ZFP91: variants seen among roughly 807,000 people sequenced by gnomAD.
The protein encoded by ZFP91 is E3 ubiquitin-protein ligase ZFP91.
ZFP91 carries 7 observed loss-of-function variants against 63.5 expected under a neutral mutation model. The ratio of observed to expected loss-of-function variants is 0.11; its 90% CI spans 0.06 to 0.21. The LOEUF (loss-of-function observed/expected upper bound fraction) is 0.21, where lower values mean the gene tolerates loss of function less well. Among genes scored for constraint, ZFP91 ranks in the 10% least tolerant of loss-of-function variants. The probability of loss-of-function intolerance (pLI) is 1.00; values close to 1 mark genes in which losing one functional copy is unlikely to be tolerated. For missense variants in ZFP91, 628 were observed against 736.6 expected, an observed-to-expected ratio of 0.85 and a Z score of 1.71; for synonymous variants, 330 against 272.1, an observed-to-expected ratio of 1.21 and a Z score of -2.10.
intron 2 of ZFP91, among the ~76,000 whole-genome samples, chr11:58,590,828 G>A (rs1441066078): frequency 6.6e-6 from 1 of 151,760 alleles, no homozygotes; most frequent in Non-Finnish European, 1.5e-5. Flanking sequence ...GATGCTTTGT[G>A]GATATCCAGT....
At chr11:58,612,383 A>G (rs1240988068) in intron 7 of ZFP91, 55 bp downstream of exon 7, 1 of 1,571,656 alleles carries the variant, frequency 6.4e-7, no homozygotes, top group African/African-American at 1.4e-5. Flanking sequence ...CAGGCACTTT[A>G]CTCACAAATT....
intron 9 of ZFP91, among the ~76,000 whole-genome samples, chr11:58,614,945 C>T (rs947304205): frequency 6.6e-6 from 1 of 152,168 alleles, no homozygotes; most frequent in Admixed American, 6.5e-5. Flanking sequence ...TGGGTGCATA[C>T]CACTGAGTAT....
chr11:58,596,123 A>C (rs1855397194), intron 2 of ZFP91, among the ~76,000 whole-genome samples: 1 of 152,216 alleles, frequency 6.6e-6, no homozygotes, highest in Non-Finnish European at 1.5e-5. Flanking sequence ...CTGTATTCTT[A>C]CAGTAAAATA....
rs1262355634 is a variant in ZFP91, at chr11:58,579,345, G to A, written c.64G>A (p.Ala22Thr). 2 of 1,494,804 alleles carry A rather than the reference G, an allele frequency of 1.3e-6. No homozygotes were observed. Among genetic ancestry groups the A allele is most frequent in the Non-Finnish European group, 8.9e-7 (1 of 1,126,666 alleles). 92.6% of individuals were successfully genotyped at this position (1,494,804 alleles called of 1,614,324 possible). A position where few individuals can be genotyped will look rare whatever the true frequency, so the allele number is the denominator to read the frequency against. ...EQQDQEGGEA[A>T]KAAPEEPQQR... is the part of the protein sequence containing the mutation. ...GCAGGACCAGGAAGGGGGAGAGGCG[G>A]CCAAGGCGGCTCCGGAGGAGCCCCA... The change falls in exon 1 of 11, where the codon GCC (alanine) becomes ACC (threonine). Residue 22 changes from alanine (A) to threonine (T), a missense_variant. Physicochemically the swap from Ala to Thr is moderately conservative, Grantham distance 58. Around this residue, in one of 3 missense-constraint regions of ZFP91, gnomAD observed 437 missense variants for 380.3 expected, o/e 1.15. Coordinates refer to ENST00000316059, the MANE Select transcript of ZFP91 (RefSeq NM_053023.5).
rs1855752703 is a variant in ZFP91 at position 58,616,628 on chromosome 11, G to A, written c.1103-88G>A. The A allele has an allele frequency of 6.1e-6, 6 of 984,254 alleles. No individual in the cohort carries two copies. The South Asian group carries it at 9.4e-5, about 15-fold the overall frequency. 61.0% of individuals were successfully genotyped at this position (984,254 alleles called of 1,614,324 possible). On this transcript the variant is annotated intron_variant, in intron 9 of 10. Coordinates refer to ENST00000316059, the MANE Select transcript of ZFP91 (RefSeq NM_053023.5). Reference sequence around the variant, plus strand: ...AACAGCATTGCTTTTACTCTAAATTGCCTGCCCCATCATCTGCTTACTTAC... The same window carrying A: ...AACAGCATTGCTTTTACTCTAAATTACCTGCCCCATCATCTGCTTACTTAC...
intron 7 of ZFP91, 140 bp downstream of exon 7, chr11:58,612,468 C>A: frequency 1.3e-6 from 1 of 748,328 alleles, no homozygotes; most frequent in Non-Finnish European, 2.2e-6. Flanking sequence ...GTCCTAGATG[C>A]ACAGGTGTTA....
At chr11:58,601,625 A>G (rs1321847034) in intron 2 of ZFP91, among the ~76,000 whole-genome samples, 1 of 136,060 alleles carries the variant, frequency 7.3e-6, no homozygotes, top group Non-Finnish European at 1.6e-5. Context: ...TTTTTTTTCT[A>G]TTTTAATGTA....
rs765449102 is a variant in ZFP91 at position 58,619,696 on chromosome 11, T to C, written c.*1990T>C. ...TGCGCTATTGTTTCTTTTCAGAGTG[T>C]TGCAGATTTGCCATTTCTCCATAAT... On this transcript the variant is annotated 3_prime_UTR_variant, in exon 11 of 11. Coordinates refer to ENST00000316059, the MANE Select transcript of ZFP91 (RefSeq NM_053023.5). 2.6e-5 allele frequency: 4 copies of C among 152,662 alleles called. No individual in the cohort carries two copies. The highest frequency in any genetic ancestry group is 4.8e-5 in the African/African-American group (2 of 41,464). 9.5% of individuals were successfully genotyped at this position (152,662 alleles called of 1,614,324 possible). A position where few individuals can be genotyped will look rare whatever the true frequency, so the allele number is the denominator to read the frequency against.
At chr11:58,594,976 G>A (rs1352288504) in intron 2 of ZFP91, among the ~76,000 whole-genome samples, 2 of 152,146 alleles carry the variant, frequency 1.3e-5, no homozygotes, top group Admixed American at 6.5e-5. Flanking sequence ...CTTGGCACTT[G>A]AATCCAAGGC....
chr11:58,612,119 CTTGCTTGAT>C, intron 6 of ZFP91, 150 bp from the exon 7 acceptor site: 1 of 707,156 alleles, frequency 1.4e-6, no homozygotes, highest in Non-Finnish European at 2.3e-6. Flanking sequence ...GGTAAAATTA[CTTGCTTGAT>C]TTGCCAGATA....
At chr11:58,607,169 G>A (rs1446688350) in intron 2 of ZFP91, among the ~76,000 whole-genome samples, 3 of 151,850 alleles carry the variant, frequency 2.0e-5, no homozygotes, top group Admixed American at 6.6e-5. Flanking sequence ...AGTCCAACTC[G>A]GTACAGTTGG....
chr11:58,580,953 A>G (rs1855103493), intron 1 of ZFP91, among the ~76,000 whole-genome samples: 2 of 152,232 alleles, frequency 1.3e-5, no homozygotes, highest in Non-Finnish European at 2.9e-5. Context: ...TGAATTTGAA[A>G]AGATACATGT....
Position 58,620,697 on chromosome 11 carries a change from A to G in ZFP91, c.*2991A>G, listed in dbSNP as rs980036910. Reference sequence around the variant, plus strand: ...GAAAAAGTATAATGAGTGTACTACCAATCTAACTAAGATTATTATAGTCTG... The same window carrying G: ...GAAAAAGTATAATGAGTGTACTACCGATCTAACTAAGATTATTATAGTCTG... On this transcript the variant is annotated 3_prime_UTR_variant, in exon 11 of 11. Transcript: ENST00000316059. 1 of 152,626 alleles carries G rather than the reference A, an allele frequency of 6.6e-6. No individual in the cohort carries two copies. Among genetic ancestry groups the G allele is most frequent in the African/African-American group, 2.4e-5 (1 of 41,450 alleles). 9.5% of individuals were successfully genotyped at this position (152,626 alleles called of 1,614,324 possible). A position where few individuals can be genotyped will look rare whatever the true frequency, so the allele number is the denominator to read the frequency against.
At chr11:58,613,545 T>G (rs1241920223) in intron 8 of ZFP91, among the ~76,000 whole-genome samples, 2 of 152,168 alleles carry the variant, frequency 1.3e-5, no homozygotes, top group African/African-American at 4.8e-5. Flanking sequence ...TCTTTCAATA[T>G]TACAGTAATT....
At chr11:58,591,606 C>T (rs915166893) in intron 2 of ZFP91, among the ~76,000 whole-genome samples, 1 of 152,082 alleles carries the variant, frequency 6.6e-6, no homozygotes, top group Non-Finnish European at 1.5e-5. Context: ...GTATTCTCAC[C>T]CCCAACCCTA....
Position 58,612,754 on chromosome 11 carries a change from GA to G in ZFP91, c.909-7del, listed in dbSNP as rs1855687888. On this transcript the variant is annotated splice_region_variant and splice_polypyrimidine_tract_variant and intron_variant, in intron 7 of 10. Transcript: ENST00000316059. ...TTTGCTAACTTTTCTTCTGCATTTTGATAATAGAAAAAAGCCTCCAATCCAG... is the reference window on the plus strand; with the variant it reads ...TTTGCTAACTTTTCTTCTGCATTTTGTAATAGAAAAAAGCCTCCAATCCAG... The G allele has an allele frequency of 6.3e-7, 1 of 1,578,396 alleles. No individual in the cohort carries two copies. The highest frequency in any genetic ancestry group is 1.4e-5 in the African/African-American group (1 of 71,364).
chr11:58,580,016 G>A (rs1855081379), intron 1 of ZFP91, among the ~76,000 whole-genome samples: 2 of 151,646 alleles, frequency 1.3e-5, no homozygotes, highest in African/African-American at 4.8e-5. Flanking sequence ...TACACAGCCC[G>A]ATCATAGCCT....
intron 7 of ZFP91, 190 bp downstream of exon 7, chr11:58,612,518 A>G (rs923347497): frequency 5.5e-5 from 35 of 636,074 alleles, no homozygotes; most frequent in East Asian, 3.3e-4. Context: ...ATTTCTAACA[A>G]TCTTAATACT....
At chr11:58,603,423 G>A (rs912513410) in intron 2 of ZFP91, among the ~76,000 whole-genome samples, 1 of 152,168 alleles carries the variant, frequency 6.6e-6, no homozygotes, top group Non-Finnish European at 1.5e-5. Flanking sequence ...CTTGTGGATC[G>A]AATCAGCCAT....
Sources: allele counts gnomAD v4.1 joint callset (sites outside exome capture counted in the v4.1 genomes callset), GRCh38; gene constraint gnomAD v4.1.1; regional missense constraint gnomAD v4.1.1; transcripts MANE v1.5; gene names NCBI Gene and HGNC (gene_info 2026-07-23, HGNC 2026-07-21).